The following PLA2G6 variants were observed in gnomAD, a reference collection of about 807,000 sequenced individuals.
PLA2G6 encodes phospholipase A2 group VI, also known as 85/88 kDa calcium-independent phospholipase A2.
PLA2G6 carries 62 observed loss-of-function variants against 83.8 expected under a neutral mutation model. The observed-to-expected ratio is 0.74, with a 90% CI of 0.60 to 0.91. The LOEUF is 0.91. PLA2G6 is among the 40% of genes least tolerant of loss of function. PLA2G6 has a pLI of 0.00. For missense variants in PLA2G6, 944 were observed against 1,102.0 expected, an observed-to-expected ratio of 0.86 and a Z score of 2.03; for synonymous variants, 417 against 449.8, an observed-to-expected ratio of 0.93 and a Z score of 0.92.
At chr22:38,173,663 A>C (rs1208459363) in intron 1 of PLA2G6, among the ~76,000 whole-genome samples, 1 of 152,162 alleles carries the variant, frequency 6.6e-6, no homozygotes, top group Non-Finnish European at 1.5e-5. Flanking sequence ...GGAGGAGCTG[A>C]AGGACGGGAG....
chr22:38,174,401 A>C (rs73154422), intron 1 of PLA2G6, among the ~76,000 whole-genome samples: 9 of 151,176 alleles, frequency 6.0e-5, no homozygotes, highest in Non-Finnish European at 1.0e-4. Flanking sequence ...GTCTCAAAAA[A>C]AAAGAAAGAA....
At chr22:38,167,753 C>T (rs1370895833) in intron 2 of PLA2G6, among the ~76,000 whole-genome samples, 1 of 152,222 alleles carries the variant, frequency 6.6e-6, no homozygotes, top group Non-Finnish European at 1.5e-5. Context: ...TCTGAATTCT[C>T]ACCTGATTGG....
At chr22:38,153,104 TTC>T (rs1012576466) in intron 2 of PLA2G6, among the ~76,000 whole-genome samples, 7 of 152,212 alleles carry the variant, frequency 4.6e-5, no homozygotes, top group African/African-American at 1.7e-4. Flanking sequence ...CATGGGGGTG[TTC>T]TGTTATCAAA....
At chr22:38,151,961 T>G (rs1405512211) in intron 2 of PLA2G6, among the ~76,000 whole-genome samples, 2 of 152,150 alleles carry the variant, frequency 1.3e-5, no homozygotes, top group African/African-American at 4.8e-5. Context: ...AGACCCTAAC[T>G]CTATTTTCCA....
chr22:38,121,114 G>T (rs546124483), intron 11 of PLA2G6: 2 of 557,116 alleles, frequency 3.6e-6, no homozygotes, highest in Non-Finnish European at 3.2e-6. Flanking sequence ...ATGGTGGCTC[G>T]CGCCTGTAAT....
chr22:38,174,345 C>G (rs1007796670), intron 1 of PLA2G6, among the ~76,000 whole-genome samples: 6 of 152,070 alleles, frequency 3.9e-5, no homozygotes, highest in African/African-American at 1.4e-4. Flanking sequence ...TTGCAGTGAG[C>G]CGAGATCATG....
At chr22:38,174,175 T>A (rs2090540209) in intron 1 of PLA2G6, among the ~76,000 whole-genome samples, 1 of 151,954 alleles carries the variant, frequency 6.6e-6, no homozygotes, top group Non-Finnish European at 1.5e-5. Context: ...GGCGGGCGGA[T>A]CACGAAATCA....
intron 2 of PLA2G6, among the ~76,000 whole-genome samples, chr22:38,168,988 C>T (rs2090330347): frequency 6.6e-6 from 1 of 152,192 alleles, no homozygotes; most frequent in Admixed American, 6.6e-5. Flanking sequence ...AGGCCAGAAA[C>T]AACCCAGGCT....
rs58932959 is a variant in PLA2G6, at chr22:38,124,802, C to T, written c.1428-1544G>A. Among the ~76,000 whole-genome samples the T allele has an allele frequency of 8.5e-5, 13 of 152,294 alleles. No homozygotes were observed. In the East Asian group the frequency reaches 2.1e-3, roughly 25 times the overall value. ...GGGTCCCACCTCTAGGGGTCTTTTC[C>T]TGGACCAGGTACCCAGCCCCACAGC... is the stretch of plus-strand genomic sequence containing the variant. On this transcript the variant is annotated intron_variant, in intron 10 of 16. Transcript: ENST00000332509.
At chr22:38,144,237 T>A (rs891249577) in intron 3 of PLA2G6, 1 of 152,586 alleles carries the variant, frequency 6.6e-6, no homozygotes, top group African/African-American at 2.4e-5. Context: ...GGCCTTCAGC[T>A]TCCAGAAGAG....
chr22:38,133,989 G>C (rs1296920901), intron 6 of PLA2G6: 1 of 152,194 alleles, frequency 6.6e-6, no homozygotes, highest in African/African-American at 2.4e-5. Flanking sequence ...ATTAACATTT[G>C]AGTCAGTAGG....
intron 12 of PLA2G6, among the ~76,000 whole-genome samples, chr22:38,120,526 A>T (rs1200163898): frequency 6.6e-6 from 1 of 152,178 alleles, no homozygotes; most frequent in East Asian, 1.9e-4. Context: ...AGAGCCAGGC[A>T]GGGCAGAGCC....
intron 2 of PLA2G6, among the ~76,000 whole-genome samples, chr22:38,168,670 T>C (rs2090316397): frequency 1.3e-5 from 2 of 152,138 alleles, no homozygotes; most frequent in Admixed American, 6.5e-5. Context: ...GCCAATATGA[T>C]GAAACCCCGT....
intron 2 of PLA2G6, among the ~76,000 whole-genome samples, chr22:38,153,419 G>A (rs1480173714): frequency 6.6e-6 from 1 of 152,192 alleles, no homozygotes; most frequent in Non-Finnish European, 1.5e-5. Context: ...AGCCTTGTGT[G>A]TGATCTTTCT....
intron 2 of PLA2G6, among the ~76,000 whole-genome samples, chr22:38,161,710 G>A (rs2090018780): frequency 6.6e-6 from 1 of 152,218 alleles, no homozygotes; most frequent in South Asian, 2.1e-4. Context: ...ATGGGGTAGA[G>A]GGAATTCTCC....
At chr22:38,173,327 C>T (rs576149660) in intron 1 of PLA2G6, among the ~76,000 whole-genome samples, 6 of 152,162 alleles carry the variant, frequency 3.9e-5, no homozygotes, top group Non-Finnish European at 8.8e-5. Flanking sequence ...CCTCCTCCTC[C>T]TTACCTGGGC....
intron 5 of PLA2G6, chr22:38,138,211 G>A (rs2088673065): frequency 6.6e-6 from 1 of 152,578 alleles, no homozygotes; most frequent in Non-Finnish European, 1.5e-5. Flanking sequence ...TCTGGGTAGA[G>A]AAGAGCATCA....
chr22:38,177,814 C>G (rs1602301213), intron 1 of PLA2G6, among the ~76,000 whole-genome samples: 1 of 152,140 alleles, frequency 6.6e-6, no homozygotes, highest in East Asian at 1.9e-4. Context: ...GTCCAGGTCT[C>G]TCCACATTAC....
At chr22:38,157,371 T>C (rs938791837) in intron 2 of PLA2G6, among the ~76,000 whole-genome samples, 1 of 152,056 alleles carries the variant, frequency 6.6e-6, no homozygotes, top group African/African-American at 2.4e-5. Flanking sequence ...AATGGATAAA[T>C]TCCTAGGCAT....
Sources: allele counts gnomAD v4.1 joint callset (sites outside exome capture counted in the v4.1 genomes callset), GRCh38; gene constraint gnomAD v4.1.1; transcripts MANE v1.5; gene names NCBI Gene and HGNC (gene_info 2026-07-23, HGNC 2026-07-21).